The following GRIN2A variants were observed in gnomAD, a reference collection of about 807,000 sequenced individuals.
The protein encoded by GRIN2A is glutamate ionotropic receptor NMDA type subunit 2A, also known as glutamate receptor ionotropic, NMDA 2A.
In GRIN2A, 22 loss-of-function variants were observed where a neutral mutation model predicts 113.4. The observed-to-expected ratio is 0.19, with a 90% CI of 0.14 to 0.28. GRIN2A has a LOEUF of 0.28. Among genes scored for constraint, GRIN2A ranks in the 10% least tolerant of loss-of-function variants. The pLI, the probability that GRIN2A is intolerant of heterozygous loss-of-function variation, is 1.00. For missense variants in GRIN2A, 1,502 were observed against 1,887.0 expected, an observed-to-expected ratio of 0.80 and a Z score of 3.78; for synonymous variants, 827 against 738.4, an observed-to-expected ratio of 1.12 and a Z score of -1.94.
chr16:9,798,654 C>T (rs1349978063), intron 10 of GRIN2A, among the ~76,000 whole-genome samples, 190 bp from the exon 11 acceptor site: 3 of 152,342 alleles, frequency 2.0e-5, no homozygotes, highest in Non-Finnish European at 4.4e-5. Flanking sequence ...AACCTTTTCT[C>T]TCCAACTTAC....
In GRIN2A at chr16:9,765,820, T is replaced by A. The variant is rs1900885294; in HGVS notation, c.2596-872A>T. Among the ~76,000 whole-genome samples the A allele has an allele frequency of 2.0e-5, 3 of 152,232 alleles. No homozygotes were observed. In the South Asian group the frequency reaches 6.2e-4, roughly 32 times the overall value. On this transcript the variant is annotated intron_variant, in intron 12 of 12. Transcript: ENST00000330684. ...TACTAGTCACAGTGAAGAGTTCTGA[T>A]GACACAGTGACACCGCCTTTAAATC...
intron 11 of GRIN2A, among the ~76,000 whole-genome samples, chr16:9,774,550 A>G (rs1044348019): frequency 1.3e-5 from 2 of 152,250 alleles, no homozygotes; most frequent in Non-Finnish European, 2.9e-5. Context: ...ACAAAATTAC[A>G]TAAAATAGAC....
intron 11 of GRIN2A, among the ~76,000 whole-genome samples, chr16:9,780,991 A>G (rs1292960875): frequency 1.5e-5 from 1 of 66,860 alleles, no homozygotes; most frequent in South Asian, 4.3e-4. Context: ...AGAGGTCACT[A>G]ATCTTTTTTT....
intron 9 of GRIN2A, among the ~76,000 whole-genome samples, chr16:9,825,205 C>T (rs572595575): frequency 2.0e-5 from 3 of 152,186 alleles, no homozygotes; most frequent in African/African-American, 2.4e-5. Flanking sequence ...TTAGAAACTG[C>T]GCCATTTGGA....
At chr16:9,924,050 G>A (rs1304588974) in intron 3 of GRIN2A, among the ~76,000 whole-genome samples, 1 of 142,316 alleles carries the variant, frequency 7.0e-6, no homozygotes, top group Admixed American at 7.3e-5. Flanking sequence ...GGTGGAGGTT[G>A]TAGTGAGCCG....
intron 3 of GRIN2A, among the ~76,000 whole-genome samples, chr16:9,896,808 T>A (rs945441968): frequency 2.0e-5 from 3 of 152,220 alleles, no homozygotes; most frequent in African/African-American, 7.2e-5. Context: ...CATATTTCCA[T>A]GGGCTTTCTT....
Position 9,760,156 on chromosome 16 carries a change from C to A in GRIN2A, c.*2993G>T, listed in dbSNP as rs1900517410. On this transcript the variant is annotated 3_prime_UTR_variant, in exon 13 of 13. Transcript: ENST00000330684. Reference sequence around the variant, plus strand: ...CTTGACATCAACAAATCTAAGAACTCAGAGCTGGGATATGTTACGGGAATC... The same window carrying A: ...CTTGACATCAACAAATCTAAGAACTAAGAGCTGGGATATGTTACGGGAATC... 4.4e-6 allele frequency: 1 copy of A among 225,690 alleles called. No individual in the cohort carries two copies. Among genetic ancestry groups the A allele is most frequent in the African/African-American group, 2.2e-5 (1 of 44,904 alleles). 14.0% of individuals were successfully genotyped at this position (225,690 alleles called of 1,614,324 possible).
At chr16:9,920,064 A>G (rs2044329585) in intron 3 of GRIN2A, among the ~76,000 whole-genome samples, 1 of 152,104 alleles carries the variant, frequency 6.6e-6, no homozygotes, top group East Asian at 1.9e-4. Flanking sequence ...GCCTGTATTC[A>G]TTTATTTTCT....
At chr16:9,946,589 G>A (rs2045022817) in intron 2 of GRIN2A, among the ~76,000 whole-genome samples, 1 of 152,072 alleles carries the variant, frequency 6.6e-6, no homozygotes, top group South Asian at 2.1e-4. Flanking sequence ...TGGTAATAGT[G>A]AATTCCCCCT....
chr16:10,173,463 A>G (rs2050082927), intron 2 of GRIN2A, among the ~76,000 whole-genome samples: 1 of 152,234 alleles, frequency 6.6e-6, no homozygotes, highest in Non-Finnish European at 1.5e-5. Context: ...TCTGCCCACT[A>G]GAGAGAAGAG....
intron 4 of GRIN2A, among the ~76,000 whole-genome samples, chr16:9,882,120 G>T (rs913854536): frequency 6.6e-5 from 10 of 152,070 alleles, no homozygotes; most frequent in African/African-American, 2.4e-4. Context: ...GTTTTCTTGA[G>T]ATCTTGAAAC....
At chr16:9,840,556 A>G (rs529447749) in intron 7 of GRIN2A, 91 bp downstream of exon 7, 1 of 1,195,362 alleles carries the variant, frequency 8.4e-7, no homozygotes, top group African/African-American at 1.5e-5. Context: ...AACAGAGCTA[A>G]ACAAGTTCCT....
intron 2 of GRIN2A, among the ~76,000 whole-genome samples, chr16:10,123,725 TGATGA>T (rs2048875430): frequency 6.6e-6 from 1 of 152,166 alleles, no homozygotes; most frequent in Non-Finnish European, 1.5e-5. Context: ...ACACTTTGAA[TGATGA>T]GATCTGTTTA....
intron 2 of GRIN2A, among the ~76,000 whole-genome samples, chr16:10,147,090 A>G (rs1160101830): frequency 3.3e-5 from 5 of 152,094 alleles, no homozygotes; most frequent in Admixed American, 3.3e-4. Flanking sequence ...GTAAAGGAAC[A>G]CTTCTATTCA....
intron 2 of GRIN2A, among the ~76,000 whole-genome samples, chr16:10,034,240 C>A (rs1466078819): frequency 6.6e-6 from 1 of 151,956 alleles, no homozygotes; most frequent in East Asian, 1.9e-4. Flanking sequence ...AAAACTGGCT[C>A]AGGGCCGGGC....
At chr16:9,968,669 G>C (rs1051428982) in intron 2 of GRIN2A, among the ~76,000 whole-genome samples, 1 of 150,900 alleles carries the variant, frequency 6.6e-6, no homozygotes, top group East Asian at 2.0e-4. Flanking sequence ...GTGCGGTGGC[G>C]TGATCTCGGC....
intron 3 of GRIN2A, among the ~76,000 whole-genome samples, chr16:9,922,401 T>C (rs2044374347): frequency 6.6e-6 from 1 of 152,126 alleles, no homozygotes; most frequent in Non-Finnish European, 1.5e-5. Flanking sequence ...AAACCCAATG[T>C]CTTAAATCTT....
chr16:9,990,457 CA>C (rs2046079625), intron 2 of GRIN2A, among the ~76,000 whole-genome samples: 1 of 151,998 alleles, frequency 6.6e-6, no homozygotes, highest in African/African-American at 2.4e-5. Context: ...ACTTGGGCAA[CA>C]GGAACATTAG....
chr16:9,887,747 A>C (rs2043612505), intron 4 of GRIN2A, among the ~76,000 whole-genome samples: 1 of 152,102 alleles, frequency 6.6e-6, no homozygotes. Flanking sequence ...TTTATTAAAA[A>C]ACAAACAAAA....
Sources: allele counts gnomAD v4.1 joint callset (sites outside exome capture counted in the v4.1 genomes callset), GRCh38; gene constraint gnomAD v4.1.1; transcripts MANE v1.5; gene names NCBI Gene and HGNC (gene_info 2026-07-23, HGNC 2026-07-21).